CHL1: variants seen among roughly 807,000 people sequenced by gnomAD.
CHL1 encodes cell adhesion molecule L1 like.
In CHL1, 96 loss-of-function variants were observed where a neutral mutation model predicts 141.9. That is an observed-to-expected ratio of 0.68 (90% CI 0.57 to 0.80). The LOEUF is 0.80. Ranked by LOEUF, CHL1 falls within the 30% of genes least tolerant of loss-of-function variation. The pLI is 0.00. For synonymous variants in CHL1, 613 were observed against 502.2 expected (o/e 1.22, Z -2.95); for missense variants, 1,820 against 1,457.2 (o/e 1.25, Z -4.05).
At position 363,386 on chromosome 3, in the gene CHL1, A is replaced by G. The variant is rs990130922; in HGVS notation, c.1585+3A>G. 3 of 1,607,802 alleles carry G rather than the reference A, an allele frequency of 1.9e-6. No individual in the cohort carries two copies. Among genetic ancestry groups the G allele is most frequent in the African/African-American group, 1.3e-5 (1 of 74,570 alleles). The stretch of plus-strand genomic sequence containing the variant: ...CACAGCCAATTTGGATATTAGAAGT[A>G]TTTTTATTTCACTGTTACTTTGCAT... On this transcript the variant is annotated splice_donor_region_variant and intron_variant, in intron 14 of 27. Transcript: ENST00000256509.
intron 19 of CHL1, 97 bp from the exon 20 acceptor site, chr3:389,155 C>G (rs889877627): frequency 2.1e-6 from 2 of 934,732 alleles, no homozygotes; most frequent in African/African-American, 3.3e-5. Context: ...ATGACCATTT[C>G]ATTACATTGT....
intron 5 of CHL1, among the ~76,000 whole-genome samples, chr3:332,842 T>C (rs330895): frequency 0.076 from 11,621 of 152,240 alleles, 523 homozygotes; most frequent in South Asian, 0.13. Context: ...ATATCTTTTG[T>C]AGGAGGCAAG....
chr3:334,291 C>G (rs1456520965), intron 5 of CHL1, among the ~76,000 whole-genome samples: 2 of 152,194 alleles, frequency 1.3e-5, no homozygotes, highest in Non-Finnish European at 2.9e-5. Flanking sequence ...CCTGCTTCAG[C>G]TTCCTGAATA....
chr3:296,442 T>G (rs1025438495), intron 2 of CHL1, among the ~76,000 whole-genome samples: 1 of 151,962 alleles, frequency 6.6e-6, no homozygotes, highest in Non-Finnish European at 1.5e-5. Context: ...TGCTTTTTTT[T>G]CTTCCCTTTG....
intron 3 of CHL1, among the ~76,000 whole-genome samples, chr3:324,536 T>C (rs372208245): frequency 6.6e-6 from 1 of 152,066 alleles, no homozygotes; most frequent in Non-Finnish European, 1.5e-5. Context: ...AGTAAATTTA[T>C]TTTATAGTTG....
At chr3:229,294 A>G (rs940500540) in intron 1 of CHL1, among the ~76,000 whole-genome samples, 1 of 152,130 alleles carries the variant, frequency 6.6e-6, no homozygotes, top group African/African-American at 2.4e-5. Context: ...AATTTTGAGC[A>G]CTGATGTGTA....
chr3:287,834 C>T (rs1432956865), intron 2 of CHL1, among the ~76,000 whole-genome samples: 2 of 151,946 alleles, frequency 1.3e-5, no homozygotes, highest in East Asian at 3.9e-4. Flanking sequence ...GGCACGATCT[C>T]AGTTCACTGC....
chr3:217,275 G>A (rs1053401334), intron 1 of CHL1, among the ~76,000 whole-genome samples: 22 of 152,052 alleles, frequency 1.4e-4, no homozygotes, highest in African/African-American at 4.3e-4. Flanking sequence ...ATGTGTATAC[G>A]TGTGTGTGCA....
At chr3:400,325 T>G (rs1471802656) in intron 26 of CHL1, among the ~76,000 whole-genome samples, 1 of 152,194 alleles carries the variant, frequency 6.6e-6, no homozygotes, top group African/African-American at 2.4e-5. Flanking sequence ...ACTGAATGAT[T>G]ATGAATTAAG....
chr3:281,363 A>C (rs1010405067), intron 2 of CHL1, among the ~76,000 whole-genome samples: 1 of 152,158 alleles, frequency 6.6e-6, no homozygotes, highest in Non-Finnish European at 1.5e-5. Context: ...GTGCTTGGGT[A>C]CTGTGCTATC....
intron 1 of CHL1, among the ~76,000 whole-genome samples, chr3:214,983 C>CAT (rs5845953): frequency 6.7e-6 from 1 of 149,690 alleles, no homozygotes; most frequent in Non-Finnish European, 1.5e-5. Flanking sequence ...CACACACACA[C>CAT]GTAACTGCTC....
intron 14 of CHL1, among the ~76,000 whole-genome samples, chr3:364,699 A>G (rs1021672151): frequency 1.3e-5 from 2 of 152,156 alleles, no homozygotes; most frequent in Admixed American, 6.5e-5. Context: ...CCTATATAGT[A>G]TAGTGATTGA....
At chr3:376,667 A>G (rs1706367413) in intron 15 of CHL1, among the ~76,000 whole-genome samples, 1 of 152,228 alleles carries the variant, frequency 6.6e-6, no homozygotes, top group Non-Finnish European at 1.5e-5. Flanking sequence ...TCAAGAGGTT[A>G]TTAAAGTATA....
intron 1 of CHL1, among the ~76,000 whole-genome samples, chr3:243,080 A>G (rs1459630930): frequency 6.6e-6 from 1 of 152,216 alleles, no homozygotes; most frequent in Non-Finnish European, 1.5e-5. Flanking sequence ...GCTGTAGGAG[A>G]TCCTGAATGC....
At position 223,738 on chromosome 3, in the gene CHL1, A is replaced by G. The variant is rs370238637; in HGVS notation, c.-174-20875A>G. 4.6e-5 allele frequency among the ~76,000 whole-genome samples: 7 copies of G among 152,284 alleles called. No homozygotes were observed. The East Asian group carries it at 7.7e-4, about 17-fold the overall frequency. ...AAGGACTGGATTTATTATTACTCAG[A>G]TCAGCATCTCTGAAAGCTCAGAGGC... On this transcript the variant is annotated intron_variant, in intron 1 of 27. Transcript: ENST00000256509.
At chr3:380,057 G>A (rs1049543959) in intron 16 of CHL1, among the ~76,000 whole-genome samples, 2 of 152,092 alleles carry the variant, frequency 1.3e-5, no homozygotes, top group Non-Finnish European at 2.9e-5. Flanking sequence ...AGCTCCATAC[G>A]ATTCTCAGAA....
At chr3:271,302 G>T (rs1695613859) in intron 2 of CHL1, among the ~76,000 whole-genome samples, 1 of 152,280 alleles carries the variant, frequency 6.6e-6, no homozygotes, top group Non-Finnish European at 1.5e-5. Context: ...GGGTGAGGTT[G>T]GTGGCTCATG....
At position 273,338 on chromosome 3, in the gene CHL1, AG is replaced by A. The variant is rs1695805022; in HGVS notation, c.-95+28648del. ...GGTTAGTTTGCCCCACCTGGACCAAAGGAGAGTTCCTTACCCAAGAACCTGA... is the reference window on the plus strand; with the variant it reads ...GGTTAGTTTGCCCCACCTGGACCAAAGAGAGTTCCTTACCCAAGAACCTGA... On this transcript the variant is annotated intron_variant, in intron 2 of 27. Coordinates refer to ENST00000256509, the MANE Select transcript of CHL1 (RefSeq NM_006614.4). Among the ~76,000 whole-genome samples, 7 of 152,296 alleles carry A rather than the reference AG, an allele frequency of 4.6e-5. No homozygotes were observed. In the South Asian group the frequency reaches 1.5e-3, roughly 32 times the overall value.
At chr3:301,726 A>T (rs1046868709) in intron 2 of CHL1, among the ~76,000 whole-genome samples, 22 of 152,300 alleles carry the variant, frequency 1.4e-4, no homozygotes, top group African/African-American at 4.6e-4. Flanking sequence ...GCTGTCTTGT[A>T]GTCTTTTTCC....
Sources: allele counts gnomAD v4.1 joint callset (sites outside exome capture counted in the v4.1 genomes callset), GRCh38; gene constraint gnomAD v4.1.1; transcripts MANE v1.5; gene names NCBI Gene and HGNC (gene_info 2026-07-23, HGNC 2026-07-21).